STK38: variants seen among roughly 807,000 people sequenced by gnomAD.
STK38 encodes serine/threonine-protein kinase 38.
In STK38, 26 loss-of-function variants were observed where a neutral mutation model predicts 59.0. The observed-to-expected ratio is 0.44, with a 90% confidence interval of 0.32 to 0.61. The LOEUF is 0.61. Ranked by LOEUF, STK38 falls within the 20% of genes least tolerant of loss-of-function variation. The pLI is 0.04. For missense variants in STK38, 433 were observed against 566.0 expected (o/e 0.76, Z 2.38); for synonymous variants, 175 against 176.6 (o/e 0.99, Z 0.07).
intron 7 of STK38, among the ~76,000 whole-genome samples, chr6:36,511,151 C>G (rs1403437104): frequency 2.6e-5 from 4 of 152,158 alleles, no homozygotes; most frequent in African/African-American, 9.7e-5. Flanking sequence ...TACCACCTTT[C>G]TCAAGGACAT....
At chr6:36,535,604 G>A (rs564116514) in intron 2 of STK38, among the ~76,000 whole-genome samples, 1 of 152,258 alleles carries the variant, frequency 6.6e-6, no homozygotes, top group South Asian at 2.1e-4. Flanking sequence ...CAGGCCGGGT[G>A]CAGTGGCTCA....
chr6:36,503,654 T>C (rs1258944617), intron 9 of STK38, among the ~76,000 whole-genome samples: 1 of 152,178 alleles, frequency 6.6e-6, no homozygotes, highest in Non-Finnish European at 1.5e-5. Context: ...AAGCAGATCT[T>C]ACTTGTTCAA....
rs1272399706 is a variant in STK38 at position 36,493,931 on chromosome 6, T to C, written c.*1853A>G. On this transcript the variant is annotated 3_prime_UTR_variant, in exon 14 of 14. Coordinates refer to ENST00000229812, the MANE Select transcript of STK38 (RefSeq NM_007271.4). ...TTATTCAGAAGTTTAAAAGTTAAAA[T>C]GTGGGCATTTTCCCCTGAAACAAAT... 6.6e-6 allele frequency: 1 copy of C among 152,260 alleles called. No individual in the cohort carries two copies. Among genetic ancestry groups the C allele is most frequent in the Non-Finnish European group, 1.5e-5 (1 of 68,048 alleles). 9.4% of individuals were successfully genotyped at this position (152,260 alleles called of 1,614,324 possible). A position where few individuals can be genotyped will look rare whatever the true frequency, so the allele number is the denominator to read the frequency against.
At chr6:36,513,477 G>A (rs1051804913) in intron 7 of STK38, among the ~76,000 whole-genome samples, 2 of 151,500 alleles carry the variant, frequency 1.3e-5, no homozygotes, top group East Asian at 3.9e-4. Context: ...ACCACGCCCA[G>A]CTGATTTTTG....
At chr6:36,507,995 G>A (rs1369288623) in intron 7 of STK38, among the ~76,000 whole-genome samples, 3 of 146,738 alleles carry the variant, frequency 2.0e-5, no homozygotes, top group African/African-American at 5.1e-5. Context: ...GTACAATGGC[G>A]TGATCATGGC....
In STK38 at chr6:36,495,610, A is replaced by T; in HGVS notation, c.*174T>A. ...AGTAGAAATGGTTGTCTTTGTTTACAGTTTTTCAGATGCATTATGGAAGAA... is the reference window on the plus strand; with the variant it reads ...AGTAGAAATGGTTGTCTTTGTTTACTGTTTTTCAGATGCATTATGGAAGAA... On this transcript the variant is annotated 3_prime_UTR_variant, in exon 14 of 14. Transcript: ENST00000229812. 1.3e-6 allele frequency: 1 copy of T among 759,308 alleles called. No individual in the cohort carries two copies. The highest frequency in any genetic ancestry group is 2.0e-6 in the Non-Finnish European group (1 of 502,872). The allele number at this position is 759,308 out of a possible 1,614,324, so 47.0% of individuals were successfully genotyped here.
At chr6:36,518,149 C>G (rs997629794) in intron 5 of STK38, among the ~76,000 whole-genome samples, 1 of 152,200 alleles carries the variant, frequency 6.6e-6, no homozygotes, top group Non-Finnish European at 1.5e-5. Context: ...AATTACTACT[C>G]TTTTGCATAG....
rs1776674965 is a variant in STK38 at position 36,495,280 on chromosome 6, GATC to G, written c.*501_*503del. On this transcript the variant is annotated 3_prime_UTR_variant, in exon 14 of 14. Transcript: ENST00000229812. ...TACCATCACCACCCTCAGGGTGGCG[GATC>G]ATTTCCTTCAGCCAGAATCCTGGCT... 2 of 155,754 alleles carry G rather than the reference GATC, an allele frequency of 1.3e-5. No individual in the cohort carries two copies. The highest frequency in any genetic ancestry group is 1.3e-4 in the Admixed American group (2 of 15,860). The allele number at this position is 155,754 out of a possible 1,614,324, so 9.6% of individuals were successfully genotyped here.
intron 5 of STK38, 66 bp from the exon 6 acceptor site, chr6:36,517,906 A>G: frequency 1.3e-6 from 2 of 1,564,112 alleles, no homozygotes; most frequent in Non-Finnish European, 1.7e-6. Flanking sequence ...ATATTTGCTT[A>G]AACAATTTAA....
intron 9 of STK38, among the ~76,000 whole-genome samples, chr6:36,504,375 A>T (rs993615610): frequency 7.9e-5 from 12 of 152,236 alleles, no homozygotes; most frequent in African/African-American, 2.7e-4. Flanking sequence ...AAAAAGTAAT[A>T]GGCTGAGTAG....
chr6:36,508,111 T>G (rs980407734), intron 7 of STK38, among the ~76,000 whole-genome samples: 18 of 152,102 alleles, frequency 1.2e-4, no homozygotes, highest in Admixed American at 1.0e-3. Context: ...TTTTTTTTTA[T>G]TTTTTGGAGA....
At chr6:36,507,103 C>T (rs772688365) in intron 8 of STK38, among the ~76,000 whole-genome samples, 7 of 152,178 alleles carry the variant, frequency 4.6e-5, no homozygotes, top group African/African-American at 7.2e-5. Flanking sequence ...ACATAGTTGT[C>T]AACGATTTCA....
At chr6:36,537,038 T>C (rs1777808912) in intron 2 of STK38, among the ~76,000 whole-genome samples, 1 of 152,098 alleles carries the variant, frequency 6.6e-6, no homozygotes, top group Non-Finnish European at 1.5e-5. Flanking sequence ...GACAAAGGTC[T>C]GATATGTAGG....
chr6:36,523,299 G>A (rs1265993063), intron 4 of STK38, among the ~76,000 whole-genome samples: 1 of 131,736 alleles, frequency 7.6e-6, no homozygotes, highest in Non-Finnish European at 1.6e-5. Flanking sequence ...GTCTTGCTCT[G>A]TCACCCAGGC....
At chr6:36,515,187 C>T in intron 7 of STK38, 151 bp downstream of exon 7, 2 of 788,302 alleles carry the variant, frequency 2.5e-6, no homozygotes, top group Non-Finnish European at 3.8e-6. Context: ...AAGGAAGTGA[C>T]AGCAAACTTA....
chr6:36,538,695 C>T (rs1777855970), intron 2 of STK38, among the ~76,000 whole-genome samples: 2 of 152,042 alleles, frequency 1.3e-5, no homozygotes, highest in African/African-American at 4.8e-5. Context: ...AGATCAAGAC[C>T]ATCCTGGCCA....
chr6:36,497,899 G>A, intron 11 of STK38, 24 bp from the exon 12 acceptor site: 1 of 1,476,826 alleles, frequency 6.8e-7, no homozygotes, highest in Non-Finnish European at 9.3e-7. Flanking sequence ...AGGCCTTTCA[G>A]CACATCTCAA....
intron 6 of STK38, among the ~76,000 whole-genome samples, chr6:36,517,320 T>A (rs1777279613): frequency 6.6e-6 from 1 of 152,162 alleles, no homozygotes; most frequent in Non-Finnish European, 1.5e-5. Flanking sequence ...TCACTCCTTA[T>A]TAATATGTTA....
intron 2 of STK38, among the ~76,000 whole-genome samples, chr6:36,530,710 G>A (rs1777647353): frequency 7.4e-6 from 1 of 134,852 alleles, no homozygotes; most frequent in Non-Finnish European, 1.6e-5. Flanking sequence ...TTTTTTTGGA[G>A]ACAAGAGTCT....
Sources: allele counts gnomAD v4.1 joint callset (sites outside exome capture counted in the v4.1 genomes callset), GRCh38; gene constraint gnomAD v4.1.1; transcripts MANE v1.5; gene names NCBI Gene and HGNC (gene_info 2026-07-23, HGNC 2026-07-21).